The following UROC1 variants were observed in gnomAD, a reference collection of about 807,000 sequenced individuals.
UROC1 encodes urocanate hydratase 1, also known as urocanate hydratase.
A neutral mutation model predicts 89.5 loss-of-function variants in UROC1; 79 were observed. That is an observed-to-expected ratio of 0.88 (90% confidence interval 0.74 to 1.06). UROC1 has a LOEUF of 1.06. Among genes scored for constraint, UROC1 ranks in the 50% least tolerant of loss-of-function variants. UROC1 has a pLI of 0.00. For missense variants in UROC1, 885 were observed against 907.8 expected, an observed-to-expected ratio of 0.97 and a Z score of 0.32; for synonymous variants, 361 against 354.8, an observed-to-expected ratio of 1.02 and a Z score of -0.20.
intron 18 of UROC1, among the ~76,000 whole-genome samples, chr3:126,486,968 A>G (rs1160449657): frequency 6.6e-6 from 1 of 152,180 alleles, no homozygotes; most frequent in African/African-American, 2.4e-5. Flanking sequence ...CAGCAGGGTA[A>G]AAGGTTTTAG....
In UROC1 at chr3:126,498,222, AG is replaced by A. The variant is rs756596715; in HGVS notation, c.1317-51del. 13 of 1,612,426 alleles carry A rather than the reference AG, an allele frequency of 8.1e-6. No homozygotes were observed. In the African/African-American group the frequency reaches 1.6e-4, roughly 20 times the overall value. ...CCTGGGCCCGCTGGCTTGTTGGGGG[AG>A]GGGGTGCAGGTGTGAGCATGCCAGG... On this transcript the variant is annotated intron_variant, in intron 13 of 19. Transcript: ENST00000290868.
In UROC1 at chr3:126,506,073, G is replaced by A. The variant is rs1474825384; in HGVS notation, c.603-62C>T. The A allele has an allele frequency of 3.1e-6, 5 of 1,595,676 alleles. No individual in the cohort carries two copies. In the South Asian group the frequency reaches 3.3e-5, roughly 11 times the overall value. On this transcript the variant is annotated intron_variant, in intron 6 of 19. Coordinates refer to ENST00000290868, the MANE Select transcript of UROC1 (RefSeq NM_144639.3). ...CCAGTGCCAGGCCCAGGTCCTCCCAGCCACTCCTTTTAGGAGGTTGAAAAT... is the reference window on the plus strand; with the variant it reads ...CCAGTGCCAGGCCCAGGTCCTCCCAACCACTCCTTTTAGGAGGTTGAAAAT...
chr3:126,492,352 C>T (rs1935674751), intron 16 of UROC1, 66 bp downstream of exon 16: 2 of 1,488,858 alleles, frequency 1.3e-6, no homozygotes, highest in Non-Finnish European at 9.2e-7. Flanking sequence ...CGCAGGAAGG[C>T]CCAAGGCAGG....
chr3:126,500,748 G>A lies in UROC1; in HGVS notation c.1092C>T (p.Ala364=). The change falls in exon 11 of 20, where the codon GCC becomes GCT. Residue 364 remains alanine, a synonymous_variant. Transcript: ENST00000290868. ...CAGGGTTGGAGGCCATGAGGCTCTG[G>A]GCCTCCGTGAAGCTGAGCTGCACAG... The part of the protein sequence containing the change: ...YYPVQLSFTE[A]QSLMASNPAV... 1.9e-6 allele frequency: 3 copies of A among 1,614,110 alleles called. No individual in the cohort carries two copies. The highest frequency in any genetic ancestry group is 1.3e-5 in the African/African-American group (1 of 75,052).
intron 16 of UROC1, among the ~76,000 whole-genome samples, chr3:126,490,869 G>A (rs1252157028): frequency 6.6e-6 from 1 of 152,152 alleles, no homozygotes; most frequent in Non-Finnish European, 1.5e-5. Context: ...CAGTGCACCT[G>A]GGGAGCAGCC....
In UROC1 at chr3:126,498,032, TC is replaced by T; in HGVS notation, c.1438+18del. 6.2e-7 allele frequency: 1 copy of T among 1,613,886 alleles called. No homozygotes were observed. The stretch of plus-strand genomic sequence containing the variant: ...TGGGGGGGCCACCCACCCATGGGCA[TC>T]CCCACCAATGGCGTCACCTCCATCA... On this transcript the variant is annotated intron_variant, in intron 14 of 19. Transcript: ENST00000290868.
rs537407699 is a variant in UROC1, at chr3:126,505,742, T to C, written c.772A>G (p.Lys258Glu). Reference sequence around the variant, plus strand: ...ATGCACCCCACGATGACTGCGGCCTTGGCCTGAGCCCCACTCATTCCGCCG... The same window carrying C: ...ATGCACCCCACGATGACTGCGGCCTCGGCCTGAGCCCCACTCATTCCGCCG... Reference protein sequence around the residue: ...GLGGMSGAQAKAAVIVGCIGV... With the variant: ...GLGGMSGAQAEAAVIVGCIGV... Residue 258 changes from lysine (K) to glutamate (E), a missense_variant, in exon 8 of 20, where the codon AAG becomes GAG. Lys to Glu is a moderately conservative substitution (Grantham distance 56, BLOSUM62 1). Transcript: ENST00000290868. 61 of 1,613,860 alleles carry C rather than the reference T, an allele frequency of 3.8e-5. No homozygotes were observed. In the Admixed American group the frequency reaches 9.0e-4, roughly 24 times the overall value.
At position 126,510,552 on chromosome 3, in the gene UROC1, C is replaced by T. The variant is rs1421096991; in HGVS notation, c.257+112G>A. ...TCCCCTGCCTCCTGGTCTGGACAGA[C>T]TGGGTTTCCCCCTCACTGCCGACTC... On this transcript the variant is annotated intron_variant, in intron 2 of 19. Coordinates refer to ENST00000290868, the MANE Select transcript of UROC1 (RefSeq NM_144639.3). 16 of 1,517,516 alleles carry T rather than the reference C, an allele frequency of 1.1e-5. No individual in the cohort carries two copies. In the Admixed American group the frequency reaches 3.0e-4, roughly 29 times the overall value. 94.0% of individuals were successfully genotyped at this position (1,517,516 alleles called of 1,614,324 possible).
At chr3:126,508,534 G>A in intron 3 of UROC1, 59 bp from the exon 4 acceptor site, 1 of 1,460,914 alleles carries the variant, frequency 6.8e-7, no homozygotes, top group Non-Finnish European at 9.5e-7. Context: ...TGGAGTTGCA[G>A]ACAGGGAGAG....
intron 3 of UROC1, 85 bp from the exon 4 acceptor site, chr3:126,508,560 C>T: frequency 9.1e-7 from 1 of 1,104,692 alleles, no homozygotes; most frequent in Non-Finnish European, 1.4e-6. Flanking sequence ...GCCCCCATCC[C>T]CTGGGGGCCC....
At chr3:126,500,243 A>G (rs13092625) in intron 11 of UROC1, 89 bp from the exon 12 acceptor site, 712,046 of 1,308,430 alleles carry the variant, frequency 0.54, 194,765 homozygotes, top group South Asian at 0.6. Context: ...CATGCTCCCC[A>G]CCAACTTCCA....
intron 6 of UROC1, 45 bp downstream of exon 6, chr3:126,507,697 G>A (rs1308675446): frequency 1.0e-5 from 16 of 1,596,782 alleles, no homozygotes; most frequent in Admixed American, 1.0e-4. Context: ...ATGACCCATG[G>A]CTAACGGGGA....
In UROC1 at chr3:126,508,038, A is replaced by G; in HGVS notation, c.469T>C (p.Tyr157His). 1 of 1,614,072 alleles carries G rather than the reference A, an allele frequency of 6.2e-7. No homozygotes were observed. Residue 157 changes from tyrosine (Y) to histidine (H), a missense_variant, in exon 5 of 20, where the codon TAC (tyrosine) becomes CAC (histidine). Transcript: ENST00000290868. The stretch of plus-strand genomic sequence containing the variant: ...AAGAGGCCAAGTGGGTGCCCACTGT[A>G]CATGACCAAAGTCTGCTCCTCTGTC... ...KMTEEQTLVMYSGHPLGLFPS... is the reference protein window; with the variant it reads ...KMTEEQTLVMHSGHPLGLFPS...
chr3:126,505,737 G>T lies in UROC1; in HGVS notation c.777C>A (p.Ala259=), dbSNP rs576677867. ...LGGMSGAQAK[A]AVIVGCIGVI... The stretch of plus-strand genomic sequence containing the variant: ...CACCGATGCACCCCACGATGACTGC[G>T]GCCTTGGCCTGAGCCCCACTCATTC... The change falls in exon 8 of 20, where the codon GCC becomes GCA. Residue 259 remains alanine, a synonymous_variant. Coordinates refer to ENST00000290868, the MANE Select transcript of UROC1 (RefSeq NM_144639.3). The T allele has an allele frequency of 5.6e-6, 9 of 1,613,850 alleles. No homozygotes were observed. Among genetic ancestry groups the T allele is most frequent in the South Asian group, 4.4e-5 (4 of 91,086 alleles).
At chr3:126,508,975 T>A (rs1218865915) in intron 3 of UROC1, among the ~76,000 whole-genome samples, 1 of 152,198 alleles carries the variant, frequency 6.6e-6, no homozygotes, top group Non-Finnish European at 1.5e-5. Context: ...GCTTTTCAGC[T>A]CTGCTCCTTG....
chr3:126,490,209 A>G (rs1479455113), intron 16 of UROC1, among the ~76,000 whole-genome samples: 1 of 152,174 alleles, frequency 6.6e-6, no homozygotes, highest in Non-Finnish European at 1.5e-5. Context: ...ATTTTTTAAT[A>G]CACTCATCGG....
chr3:126,494,122 G>A (rs1205888670), intron 15 of UROC1, among the ~76,000 whole-genome samples: 2 of 152,198 alleles, frequency 1.3e-5, no homozygotes, highest in Non-Finnish European at 2.9e-5. Flanking sequence ...ACTGACATAG[G>A]ATTGCCCACT....
chr3:126,499,251 T>C, intron 13 of UROC1, 86 bp downstream of exon 13: 1 of 1,478,160 alleles, frequency 6.8e-7, no homozygotes, highest in Non-Finnish European at 9.3e-7. Flanking sequence ...CTGAAGCTTC[T>C]CCAACCTAAA....
chr3:126,502,066 G>T, intron 9 of UROC1: 1 of 1,052,546 alleles, frequency 9.5e-7, no homozygotes, highest in Non-Finnish European at 1.3e-6. Context: ...TTTGATGTAT[G>T]TGTATGTGTG....
Sources: allele counts gnomAD v4.1 joint callset (sites outside exome capture counted in the v4.1 genomes callset), GRCh38; gene constraint gnomAD v4.1.1; transcripts MANE v1.5; gene names NCBI Gene and HGNC (gene_info 2026-07-23, HGNC 2026-07-21).